ZFP14: variants seen among roughly 807,000 people sequenced by gnomAD.
ZFP14 encodes ZFP14 zinc finger protein.
Under a neutral mutation model 54.5 loss-of-function variants are expected in ZFP14, and 22 were observed. That is an observed-to-expected ratio of 0.40 (90% confidence interval 0.29 to 0.58). The LOEUF is 0.58. ZFP14 is among the 20% of genes least tolerant of loss of function. The pLI, the probability that ZFP14 is intolerant of heterozygous loss-of-function variation, is 0.39. For synonymous variants in ZFP14, 159 were observed against 204.0 expected, an observed-to-expected ratio of 0.78 and a Z score of 1.88; for missense variants, 470 against 637.8, an observed-to-expected ratio of 0.74 and a Z score of 2.83.
intron 4 of ZFP14, among the ~76,000 whole-genome samples, chr19:36,358,753 T>C (rs2031662502): frequency 6.6e-6 from 1 of 152,210 alleles, no homozygotes; most frequent in African/African-American, 2.4e-5. Context: ...ATGGTTTGAA[T>C]GTTTGTTGCC....
intron 1 of ZFP14, among the ~76,000 whole-genome samples, chr19:36,376,362 A>G (rs1272476985): frequency 2.0e-5 from 3 of 152,110 alleles, no homozygotes; most frequent in African/African-American, 4.8e-5. Flanking sequence ...CCTGGCCAAC[A>G]TAGTGAAACC....
rs184257943 is a variant in ZFP14 at position 36,350,523 on chromosome 19, C to T, written c.236-8933G>A. On this transcript the variant is annotated intron_variant, in intron 4 of 4. Coordinates refer to ENST00000270001, the MANE Select transcript of ZFP14 (RefSeq NM_020917.3). ...GGCTGAGGTGGGAGGATCACTTGAG[C>T]CCAGGAGGGTGAGGCTGCCGTGAGC... Among the ~76,000 whole-genome samples the T allele has an allele frequency of 3.6e-3, 509 of 141,036 alleles. 66 individuals are homozygous for T. Among genetic ancestry groups the T allele is most frequent in the African/African-American group, 0.013 (484 of 38,430 alleles). The allele number at this position is 141,036 out of a possible 152,430, so 92.5% of individuals were successfully genotyped here.
At chr19:36,366,078 G>A (rs890733470) in intron 2 of ZFP14, among the ~76,000 whole-genome samples, 11 of 151,512 alleles carry the variant, frequency 7.3e-5, no homozygotes, top group African/African-American at 2.7e-4. Context: ...CAGCCTGGCC[G>A]ACATGGTGAA....
rs1433925705 is a variant in ZFP14 at position 36,352,405 on chromosome 19, C to T, written c.235+8030G>A. Among the ~76,000 whole-genome samples, 2 of 143,104 alleles carry T rather than the reference C, an allele frequency of 1.4e-5. 1 individual carries two copies. The highest frequency in any genetic ancestry group is 5.1e-5 in the African/African-American group (2 of 39,034). The allele number at this position is 143,104 out of a possible 152,430, so 93.9% of individuals were successfully genotyped here. A position where few individuals can be genotyped will look rare whatever the true frequency, so the allele number is the denominator to read the frequency against. The stretch of plus-strand genomic sequence containing the variant: ...GGCAGGAGAATGAAAAAAGTAAGAA[C>T]ATATTAAGCAAACAGAAAAACACTG... On this transcript the variant is annotated intron_variant, in intron 4 of 4. Transcript: ENST00000270001.
chr19:36,341,187 T>G lies in ZFP14; in HGVS notation c.639A>C (p.Ala213=). 1 of 1,614,184 alleles carries G rather than the reference T, an allele frequency of 6.2e-7. No homozygotes were observed. Among genetic ancestry groups the G allele is most frequent in the Non-Finnish European group, 8.5e-7 (1 of 1,180,048 alleles). The change falls in exon 5 of 5, where the codon GCA becomes GCC. Residue 213 remains alanine, a synonymous_variant. Transcript: ENST00000270001. The surrounding 1 kb of genome is among the most constrained non-coding windows in gnomAD (Gnocchi z 4.2). ...KECGQAFRQR[A]HLIRHHKLHT... The stretch of plus-strand genomic sequence containing the variant: ...GAAGTTTGTGATGTCGAATAAGATG[T>G]GCACGCTGTCTAAAGGCCTGCCCAC...
chr19:36,360,874 C>T (rs2031698990), intron 3 of ZFP14, among the ~76,000 whole-genome samples: 1 of 152,150 alleles, frequency 6.6e-6, no homozygotes, highest in Non-Finnish European at 1.5e-5. Flanking sequence ...CACATCCTGC[C>T]TTTGTTTCTG....
chr19:36,369,513 C>T (rs1477294429), intron 1 of ZFP14, among the ~76,000 whole-genome samples: 4 of 151,948 alleles, frequency 2.6e-5, no homozygotes, highest in African/African-American at 9.7e-5. Context: ...AGGGTTCAAG[C>T]GTTTCTCCTG....
At chr19:36,348,739 C>A (rs1036040042) in intron 4 of ZFP14, among the ~76,000 whole-genome samples, 5 of 152,172 alleles carry the variant, frequency 3.3e-5, no homozygotes, top group South Asian at 4.2e-4. Flanking sequence ...AGGATTTGAC[C>A]CCGCCTGTGC....
intron 2 of ZFP14, among the ~76,000 whole-genome samples, chr19:36,367,118 C>A (rs1018429934): frequency 2.0e-5 from 3 of 151,154 alleles, no homozygotes; most frequent in African/African-American, 7.3e-5. Flanking sequence ...CATGCCACTG[C>A]ACTCCAGCCT....
intron 4 of ZFP14, among the ~76,000 whole-genome samples, chr19:36,350,665 C>A (rs1176582347): frequency 7.1e-6 from 1 of 141,388 alleles, no homozygotes; most frequent in African/African-American, 2.6e-5. Flanking sequence ...AACACAATAT[C>A]CACCACACTA....
In ZFP14 at chr19:36,335,262, A is replaced by G. The variant is rs2031170825; in HGVS notation, c.*4962T>C. ...ACCATCGAGAATTAATATTCCTTGAAGCAAACTTCTGGAGAATGTTGAATT... is the reference window on the plus strand; with the variant it reads ...ACCATCGAGAATTAATATTCCTTGAGGCAAACTTCTGGAGAATGTTGAATT... On this transcript the variant is annotated 3_prime_UTR_variant, in exon 5 of 5. Transcript: ENST00000270001. 1 of 152,156 alleles carries G rather than the reference A, an allele frequency of 6.6e-6. No homozygotes were observed. The highest frequency in any genetic ancestry group is 1.5e-5 in the Non-Finnish European group (1 of 68,014). The allele number at this position is 152,156 out of a possible 1,614,324, so 9.4% of individuals were successfully genotyped here.
rs1182057964 is a variant in ZFP14, at chr19:36,341,655, CAAAA to C, written c.236-69_236-66del. The C allele has an allele frequency of 6.9e-7, 1 of 1,445,064 alleles. No individual in the cohort carries two copies. The highest frequency in any genetic ancestry group is 9.1e-7 in the Non-Finnish European group (1 of 1,093,372). The allele number at this position is 1,445,064 out of a possible 1,614,324, so 89.5% of individuals were successfully genotyped here. A position where few individuals can be genotyped will look rare whatever the true frequency, so the allele number is the denominator to read the frequency against. ...GTTCCAGAAAGAAAAAACAAACAAA[CAAAA>C]AAACCACTTCTATAGAGAAAAGGCA... On this transcript the variant is annotated intron_variant, in intron 4 of 4. Transcript: ENST00000270001. The surrounding 1 kb of genome is among the most constrained non-coding windows in gnomAD (Gnocchi z 4.2).
At position 36,379,178 on chromosome 19, in the gene ZFP14, C is replaced by T. The variant is rs996642513; in HGVS notation, c.-95G>A. The T allele has an allele frequency of 2.0e-5, 3 of 152,632 alleles. No homozygotes were observed. The highest frequency in any genetic ancestry group is 7.2e-5 in the African/African-American group (3 of 41,462). The allele number at this position is 152,632 out of a possible 1,614,324, so 9.5% of individuals were successfully genotyped here. On this transcript the variant is annotated 5_prime_UTR_variant, in exon 1 of 5. It adds an upstream start codon to the 5' untranslated region. Transcript: ENST00000270001. ...ACCAACTCACCTCTCGGAGCCGACA[C>T]CAGCAGCGAAGCCGGAAAGAACTGC...
At chr19:36,377,563 C>A (rs915885181) in intron 1 of ZFP14, among the ~76,000 whole-genome samples, 12 of 116,228 alleles carry the variant, frequency 1.0e-4, no homozygotes, top group African/African-American at 4.0e-4. Flanking sequence ...AAAAAAAAAA[C>A]TTAAGTAACA....
chr19:36,360,342 G>C (rs908905048), intron 4 of ZFP14, 93 bp downstream of exon 4: 1 of 1,091,210 alleles, frequency 9.2e-7, no homozygotes, highest in South Asian at 2.2e-5. Context: ...TTTGAAGAGA[G>C]ACCCCAACAT....
At chr19:36,378,542 A>G (rs1479094785) in intron 1 of ZFP14, 1 of 152,174 alleles carries the variant, frequency 6.6e-6, no homozygotes, top group African/African-American at 2.4e-5. Flanking sequence ...TAAAAATTAC[A>G]CTTCATGGAA....
chr19:36,346,481 G>A (rs112211958), intron 4 of ZFP14, among the ~76,000 whole-genome samples: 1 of 151,512 alleles, frequency 6.6e-6, no homozygotes, highest in Non-Finnish European at 1.5e-5. Flanking sequence ...TTTTGAGACA[G>A]AGTCTTGCTC....
At chr19:36,349,406 T>C (rs2031484575) in intron 4 of ZFP14, among the ~76,000 whole-genome samples, 1 of 151,708 alleles carries the variant, frequency 6.6e-6, no homozygotes, top group Non-Finnish European at 1.5e-5. Context: ...GGCTCACGCC[T>C]GTAATCCCAG....
At chr19:36,364,682 G>A (rs1051772903) in intron 2 of ZFP14, among the ~76,000 whole-genome samples, 2 of 151,942 alleles carry the variant, frequency 1.3e-5, no homozygotes, top group Non-Finnish European at 2.9e-5. Flanking sequence ...CATAGTATAG[G>A]GTCTCAACAT....
Sources: gnomAD v4.1 joint callset for allele counts (sites outside exome capture counted in the v4.1 genomes callset) on GRCh38, gnomAD v4.1.1 for gene constraint, Gnocchi (gnomAD v3.1) non-coding constraint, MANE v1.5 for transcripts, NCBI Gene and HGNC (gene_info 2026-07-23, HGNC 2026-07-21) for gene names.